Variants in PIEZO1 observed in about 807,000 individuals in gnomAD.
PIEZO1 encodes the protein piezo-type mechanosensitive ion channel component 1.
PIEZO1 carries 296 observed loss-of-function variants against 297.2 expected under a neutral mutation model. The ratio of observed to expected loss-of-function variants is 1.00; its 90% CI spans 0.91 to 1.10. The LOEUF is 1.10. Ranked by LOEUF, PIEZO1 falls within the 50% of genes least tolerant of loss-of-function variation. The pLI is 0.00. For synonymous variants in PIEZO1, 2,427 were observed against 1,507.5 expected (o/e 1.61, Z -14.13); for missense variants, 5,018 against 3,455.5 (o/e 1.45, Z -11.34).
Position 88,736,260 on chromosome 16 carries a change from T to C in PIEZO1, c.1445A>G (p.Tyr482Cys). ...LYGMTLCCLRYVWAMDLRPEL... is the reference protein window; with the variant it reads ...LYGMTLCCLRCVWAMDLRPEL... Reference sequence around the variant, plus strand: ...AGGGCGCAGGTCCATGGCCCACACGTAGCGTAGGCAGCACAGCGTCATCCC... The same window carrying C: ...AGGGCGCAGGTCCATGGCCCACACGCAGCGTAGGCAGCACAGCGTCATCCC... Residue 482 changes from tyrosine to cysteine, a missense_variant, in exon 12 of 51, where the codon TAC becomes TGC. Coordinates refer to ENST00000301015, the MANE Select transcript of PIEZO1 (RefSeq NM_001142864.4). The C allele has an allele frequency of 1.9e-6, 3 of 1,549,966 alleles. No homozygotes were observed. Among genetic ancestry groups the C allele is most frequent in the Non-Finnish European group, 2.6e-6 (3 of 1,146,696 alleles).
At chr16:88,749,686 C>A (rs1047893076) in intron 1 of PIEZO1, among the ~76,000 whole-genome samples, 53 of 152,334 alleles carry the variant, frequency 3.5e-4, no homozygotes, top group African/African-American at 1.3e-3. Context: ...CCCAGCGGGG[C>A]GCTGGGGTTT....
At chr16:88,749,310 G>A in intron 2 of PIEZO1, 74 bp downstream of exon 2, 1 of 957,000 alleles carries the variant, frequency 1.0e-6, no homozygotes. Context: ...GAGGAAAGCT[G>A]TACGAATTTT....
At chr16:88,774,040 G>A (rs768293248) in intron 1 of PIEZO1, among the ~76,000 whole-genome samples, 1 of 152,194 alleles carries the variant, frequency 6.6e-6, no homozygotes, top group Non-Finnish European at 1.5e-5. Flanking sequence ...CCCTGGCTTG[G>A]AAGTTCTGTG....
intron 2 of PIEZO1, chr16:88,745,112 G>T (rs1170327387): frequency 7.2e-6 from 1 of 138,392 alleles, no homozygotes; most frequent in Non-Finnish European, 1.5e-5. Flanking sequence ...ATGCAAAGCT[G>T]GGAAAACCAG....
In PIEZO1 at chr16:88,715,668, G is replaced by C. The variant is rs1463844450; in HGVS notation, c.7503C>G (p.Ala2501=). ...RELELEEELY[A]KLIFLYRSPE... ...GTGAGCGGTAGAGGAAGATGAGCTT[G>C]GCGTACAACTCCTCCTCCAGCTCCA... The change falls in exon 51 of 51, where the codon GCC becomes GCG. Residue 2501 remains alanine, a synonymous_variant. Transcript: ENST00000301015. The C allele has an allele frequency of 1.3e-6, 2 of 1,550,344 alleles. No individual in the cohort carries two copies. Among genetic ancestry groups the C allele is most frequent in the East Asian group, 4.9e-5 (2 of 40,916 alleles).
intron 1 of PIEZO1, among the ~76,000 whole-genome samples, chr16:88,755,515 G>C (rs1286788455): frequency 6.6e-6 from 1 of 152,184 alleles, no homozygotes; most frequent in Non-Finnish European, 1.5e-5. Flanking sequence ...GCCCCAGATC[G>C]GGCGTTTGGG....
intron 5 of PIEZO1, chr16:88,739,119 G>A (rs924003041): frequency 9.6e-6 from 2 of 208,786 alleles, no homozygotes; most frequent in African/African-American, 4.6e-5. Context: ...TATACCCCGG[G>A]GGGTCTCTAG....
chr16:88,732,266 A>T, intron 21 of PIEZO1, 69 bp downstream of exon 21: 1 of 1,371,754 alleles, frequency 7.3e-7, no homozygotes. Context: ...CGGTGCCTGC[A>T]CGGTGCAGCC....
chr16:88,720,467 G>A lies in PIEZO1; in HGVS notation c.5867C>T (p.Ala1956Val). Residue 1956 changes from alanine (A) to valine (V), a missense_variant, in exon 41 of 51, where the codon GCA (alanine) becomes GTA (valine). Physicochemically the swap from Ala to Val is moderately conservative, Grantham distance 64. Transcript: ENST00000301015. ...CATGAGGGCATAGACGTCGGTGGCT[G>A]CGCGGTACTTGGTGTGCAGGATGTC... ...FHDILHTKYR[A>V]ATDVYALMFL... The A allele has an allele frequency of 1.9e-6, 3 of 1,550,488 alleles. No individual in the cohort carries two copies. Among genetic ancestry groups the A allele is most frequent in the Non-Finnish European group, 2.6e-6 (3 of 1,146,966 alleles).
intron 23 of PIEZO1, 28 bp from the exon 24 acceptor site, chr16:88,727,220 C>T: frequency 1.3e-6 from 2 of 1,510,646 alleles, no homozygotes; most frequent in Non-Finnish European, 8.9e-7. Flanking sequence ...CGCCGCTGTG[C>T]CACACGGGGA....
intron 1 of PIEZO1, among the ~76,000 whole-genome samples, chr16:88,778,373 A>G (rs1478256309): frequency 6.6e-6 from 1 of 152,234 alleles, no homozygotes; most frequent in Non-Finnish European, 1.5e-5. Flanking sequence ...CCCCAGCTAT[A>G]TATACCCACA....
At chr16:88,781,400 C>G (rs1026117465) in intron 1 of PIEZO1, among the ~76,000 whole-genome samples, 2 of 152,236 alleles carry the variant, frequency 1.3e-5, no homozygotes, top group Non-Finnish European at 2.9e-5. Context: ...ATCCTCAGCT[C>G]CTGGGCAGTC....
In PIEZO1 at chr16:88,733,487, G is replaced by A. The variant is rs983552680; in HGVS notation, c.2488-33C>T. The A allele has an allele frequency of 3.8e-5, 59 of 1,537,878 alleles. 1 individual carries two copies. The highest frequency in any genetic ancestry group is 3.2e-4 in the Admixed American group (16 of 50,722). On this transcript the variant is annotated intron_variant, in intron 18 of 50. Transcript: ENST00000301015. The stretch of plus-strand genomic sequence containing the variant: ...CAGTGGGCACGTGGGGCTGGGCTTG[G>A]GGAGGGCAGTGGGCACGTGGGGCTG...
chr16:88,764,665 C>T (rs569019543), intron 1 of PIEZO1, among the ~76,000 whole-genome samples: 190 of 151,216 alleles, frequency 1.3e-3, no homozygotes, highest in Non-Finnish European at 2.1e-3. Context: ...GCAGGAGAAT[C>T]GCTTGAACCT....
chr16:88,731,273 G>A (rs541820549), intron 22 of PIEZO1: 37 of 211,098 alleles, frequency 1.8e-4, no homozygotes, highest in African/African-American at 6.0e-4. Context: ...CAGAGGACAC[G>A]TTTGACGATG....
At chr16:88,722,159 T>G in intron 36 of PIEZO1, 59 bp downstream of exon 36, 1 of 1,523,138 alleles carries the variant, frequency 6.6e-7, no homozygotes, top group South Asian at 1.2e-5. Flanking sequence ...CTCCTGCCCC[T>G]GTTCGGCTGC....
intron 1 of PIEZO1, among the ~76,000 whole-genome samples, chr16:88,770,679 C>A (rs996660563): frequency 2.0e-5 from 3 of 152,244 alleles, no homozygotes; most frequent in Non-Finnish European, 4.4e-5. Context: ...GGTGCCTTCA[C>A]TGCCAGTGAC....
rs964534644 is a variant in PIEZO1, at chr16:88,732,418, C to G, written c.2908G>C (p.Gly970Arg). Residue 970 changes from glycine to arginine, a missense_variant, in exon 21 of 51, where the codon GGC becomes CGC. Gly to Arg is a moderately radical substitution (Grantham distance 125). Coordinates refer to ENST00000301015, the MANE Select transcript of PIEZO1 (RefSeq NM_001142864.4). ...TCCTGGTCCAGCTGCTGGCGGGTGC[C>G]GCTGGCAAACACGGCCTGGGCAGGC... is the stretch of plus-strand genomic sequence containing the variant. ...PLPAQAVFAS[G>R]TRQQLDQDLL... is the part of the protein sequence containing the mutation. 1 of 1,549,758 alleles carries G rather than the reference C, an allele frequency of 6.5e-7. No homozygotes were observed. The highest frequency in any genetic ancestry group is 8.7e-7 in the Non-Finnish European group (1 of 1,146,546).
At chr16:88,718,573 A>G (rs931837647) in intron 44 of PIEZO1, 3 of 152,282 alleles carry the variant, frequency 2.0e-5, no homozygotes, top group African/African-American at 4.8e-5. Flanking sequence ...GCTGATTACA[A>G]AAGGACAAAC....
Sources: gnomAD v4.1 joint callset for allele counts (sites outside exome capture counted in the v4.1 genomes callset) on GRCh38, gnomAD v4.1.1 for gene constraint, MANE v1.5 for transcripts, NCBI Gene and HGNC (gene_info 2026-07-23, HGNC 2026-07-21) for gene names.